The following FANCA variants were observed in gnomAD, a reference collection of about 807,000 sequenced individuals.
FANCA encodes the protein FA complementation group A.
In FANCA, 236 loss-of-function variants were observed where a neutral mutation model predicts 194.3. The observed-to-expected ratio is 1.21, with a 90% confidence interval of 1.09 to 1.35. FANCA has a LOEUF of 1.35. Among genes scored for constraint, FANCA ranks in the 40% most tolerant of loss-of-function variants. FANCA has a pLI of 0.00. For missense variants in FANCA, 2,628 were observed against 1,813.9 expected, an observed-to-expected ratio of 1.45 and a Z score of -8.15; for synonymous variants, 1,014 against 715.8, an observed-to-expected ratio of 1.42 and a Z score of -6.65.
At chr16:89,750,699 G>C (rs1320476918) in intron 31 of FANCA, among the ~76,000 whole-genome samples, 17 of 152,078 alleles carry the variant, frequency 1.1e-4, no homozygotes, top group Admixed American at 1.1e-3. Flanking sequence ...TTTGAACCCG[G>C]GAGGTAGAGG....
chr16:89,784,395 A>C, intron 15 of FANCA, among the ~76,000 whole-genome samples: 1 of 149,716 alleles, frequency 6.7e-6, no homozygotes, highest in Non-Finnish European at 1.5e-5. Flanking sequence ...AAAAACAAAA[A>C]AACAAAAAAA....
At chr16:89,810,602 G>C (rs560785310) in intron 5 of FANCA, 105 bp downstream of exon 5, 5 of 809,798 alleles carry the variant, frequency 6.2e-6, no homozygotes, top group Admixed American at 1.7e-5. Context: ...TTAATGAGAA[G>C]CTTGGAGAAT....
chr16:89,782,427 C>T (rs1452124342), intron 17 of FANCA, among the ~76,000 whole-genome samples: 8 of 151,470 alleles, frequency 5.3e-5, no homozygotes, highest in Admixed American at 2.0e-4. Flanking sequence ...AGGAGAATGG[C>T]GTGAACCCAG....
intron 33 of FANCA, among the ~76,000 whole-genome samples, chr16:89,748,224 T>G (rs969898293): frequency 2.0e-5 from 3 of 152,238 alleles, no homozygotes; most frequent in South Asian, 2.1e-4. Flanking sequence ...AAGATCACCC[T>G]GCAACTCACG....
rs185782543 is a variant in FANCA at position 89,803,488 on chromosome 16, C to T, written c.710-147G>A. The T allele has an allele frequency of 9.8e-5, 72 of 737,596 alleles. 1 individual carries two copies. In the East Asian group the frequency reaches 1.4e-3, roughly 14 times the overall value. 45.7% of individuals were successfully genotyped at this position (737,596 alleles called of 1,614,324 possible). A position where few individuals can be genotyped will look rare whatever the true frequency, so the allele number is the denominator to read the frequency against. On this transcript the variant is annotated intron_variant, in intron 7 of 42. Coordinates refer to ENST00000389301, the MANE Select transcript of FANCA (RefSeq NM_000135.4). ...TGTGAGCTGCTCCTAACCTGAGGAACGCTGCAGAAGTTACTGCTCACCTGA... is the reference window on the plus strand; with the variant it reads ...TGTGAGCTGCTCCTAACCTGAGGAATGCTGCAGAAGTTACTGCTCACCTGA...
In FANCA at chr16:89,765,117, G is replaced by C. The variant is rs143680215; in HGVS notation, c.2602-51C>G. Reference sequence around the variant, plus strand: ...TTCTTCATTGCGCAAGTTTCACTGTGAGTGGCTGAGCAAATGCTCAGGTGG... The same window carrying C: ...TTCTTCATTGCGCAAGTTTCACTGTCAGTGGCTGAGCAAATGCTCAGGTGG... On this transcript the variant is annotated intron_variant, in intron 27 of 42. Transcript: ENST00000389301. 117 of 1,600,028 alleles carry C rather than the reference G, an allele frequency of 7.3e-5. 2 individuals are homozygous for C. The highest frequency in any genetic ancestry group is 5.3e-4 in the South Asian group (48 of 90,136).
intron 30 of FANCA, among the ~76,000 whole-genome samples, chr16:89,757,547 A>G (rs2038806837): frequency 6.6e-6 from 1 of 152,236 alleles, no homozygotes; most frequent in Non-Finnish European, 1.5e-5. Flanking sequence ...AGGCAAATCC[A>G]TGAACATAAA....
intron 39 of FANCA, 41 bp from the exon 40 acceptor site, chr16:89,739,594 C>G (rs1489796697): frequency 1.3e-6 from 2 of 1,545,906 alleles, no homozygotes; most frequent in Admixed American, 2.0e-5. Flanking sequence ...CTGGACATCT[C>G]TGCCTATTAT....
rs2039604604 is a variant in FANCA at position 89,778,815 on chromosome 16, T to TATA, written c.1809_1811dup (p.Ile604dup). On this transcript the variant is annotated inframe_insertion, in exon 20 of 43. Transcript: ENST00000389301. ...TTGCTGCATACCTCTTCAGAGACTC[T>TATA]ATAAACGCCACACGGGAGTCAGGGA... 1 of 1,614,018 alleles carries TATA rather than the reference T, an allele frequency of 6.2e-7. No homozygotes were observed. The highest frequency in any genetic ancestry group is 8.5e-7 in the Non-Finnish European group (1 of 1,179,986).
intron 25 of FANCA, 54 bp downstream of exon 25, chr16:89,770,112 G>A (rs1276868589): frequency 4.5e-6 from 7 of 1,571,498 alleles, no homozygotes; most frequent in Non-Finnish European, 5.2e-6. Context: ...AGAAGTAGCA[G>A]CCTGGCCCTC....
rs746516255 is a variant in FANCA at position 89,775,808 on chromosome 16, T to TA, written c.1833dup (p.Lys612Ter). On this transcript the variant is annotated frameshift_variant, in exon 21 of 43. Coordinates refer to ENST00000389301, the MANE Select transcript of FANCA (RefSeq NM_000135.4). LOFTEE classifies it high-confidence loss of function. ...GTGGAGTACAGAGATGGGGGGATTT[T>TA]ATCTGCTCTGGATCACAGGAAAACA... is the stretch of plus-strand genomic sequence containing the variant. 6.2e-7 allele frequency: 1 copy of TA among 1,610,974 alleles called. No homozygotes were observed. The highest frequency in any genetic ancestry group is 2.2e-5 in the East Asian group (1 of 44,856).
chr16:89,775,647 C>T (rs1567622926), intron 21 of FANCA, 95 bp downstream of exon 21: 9 of 1,033,008 alleles, frequency 8.7e-6, no homozygotes, highest in South Asian at 8.1e-5. Flanking sequence ...CAGCCACCCC[C>T]GAGCTCACTC....
chr16:89,795,818 G>T, intron 11 of FANCA, 88 bp downstream of exon 11: 1 of 927,156 alleles, frequency 1.1e-6, no homozygotes. Flanking sequence ...TAGAATTCCT[G>T]GCATCTCCAG....
intron 22 of FANCA, among the ~76,000 whole-genome samples, chr16:89,772,982 A>T (rs966728539): frequency 6.6e-6 from 1 of 152,140 alleles, no homozygotes; most frequent in Non-Finnish European, 1.5e-5. Context: ...GCGGGAAAAC[A>T]GGCATCCTAG....
In FANCA at chr16:89,739,979, C is replaced by T. The variant is rs1161659545; in HGVS notation, c.3934+15G>A. On this transcript the variant is annotated intron_variant, in intron 39 of 42. Coordinates refer to ENST00000389301, the MANE Select transcript of FANCA (RefSeq NM_000135.4). ...GCGGCCCTCCGCATTTGTGCCTCAG[C>T]AGCGTGTTTCTTACCACTCTCTGTC... The T allele has an allele frequency of 6.2e-7, 1 of 1,613,590 alleles. No homozygotes were observed. Among genetic ancestry groups the T allele is most frequent in the South Asian group, 1.1e-5 (1 of 91,084 alleles).
chr16:89,760,322 CT>C (rs1188117183), intron 29 of FANCA, among the ~76,000 whole-genome samples: 1 of 152,224 alleles, frequency 6.6e-6, no homozygotes, highest in Non-Finnish European at 1.5e-5. Context: ...AGCGAGTTTT[CT>C]TTTTGTGGCC....
At position 89,796,994 on chromosome 16, in the gene FANCA, T is replaced by TAA. The variant is rs58892060; in HGVS notation, c.894-978_894-977dup. On this transcript the variant is annotated intron_variant, in intron 10 of 42. Coordinates refer to ENST00000389301, the MANE Select transcript of FANCA (RefSeq NM_000135.4). ...CAACCCAACGAAACCCCATCTCTACTAAAAAAATAGAAAAAATTAGCCGGG... is the reference window on the plus strand; with the variant it reads ...CAACCCAACGAAACCCCATCTCTACTAAAAAAAAATAGAAAAAATTAGCCGGG... Among the ~76,000 whole-genome samples the TAA allele has an allele frequency of 1.3e-4, 20 of 151,642 alleles. No individual in the cohort carries two copies. In the East Asian group the frequency reaches 3.7e-3, roughly 28 times the overall value.
chr16:89,752,742 C>G (rs763017334), intron 30 of FANCA, among the ~76,000 whole-genome samples: 1 of 152,204 alleles, frequency 6.6e-6, no homozygotes, highest in Non-Finnish European at 1.5e-5. Context: ...CTGTTGTGCC[C>G]GGACAGGGCC....
chr16:89,743,185 C>G (rs2062176055), intron 36 of FANCA, among the ~76,000 whole-genome samples: 1 of 152,194 alleles, frequency 6.6e-6, no homozygotes, highest in South Asian at 2.1e-4. Flanking sequence ...AGGCAGCTGG[C>G]CTGGTCCTGT....
Sources: allele counts gnomAD v4.1 joint callset (sites outside exome capture counted in the v4.1 genomes callset), GRCh38; gene constraint gnomAD v4.1.1; transcripts MANE v1.5; gene names NCBI Gene and HGNC (gene_info 2026-07-23, HGNC 2026-07-21).